The following NRG2 variants were observed in gnomAD, a reference collection of about 807,000 sequenced individuals.
The protein encoded by NRG2 is pro-neuregulin-2, membrane-bound isoform.
Under a neutral mutation model 73.9 loss-of-function variants are expected in NRG2, and 27 were observed. The observed-to-expected ratio is 0.37, with a 90% CI of 0.27 to 0.50. The LOEUF (loss-of-function observed/expected upper bound fraction) is 0.50. NRG2 is among the 20% of genes least tolerant of loss of function. The pLI, the probability that NRG2 is intolerant of heterozygous loss-of-function variation, is 0.96. For synonymous variants in NRG2, 532 were observed against 541.0 expected, an observed-to-expected ratio of 0.98 and a Z score of 0.23; for missense variants, 1,126 against 1,210.1, an observed-to-expected ratio of 0.93 and a Z score of 1.03.
chr5:139,848,523 C>A lies in NRG2; in HGVS notation c.1947G>T (p.Arg649=). 1 of 1,422,600 alleles carries A rather than the reference C, an allele frequency of 7.0e-7. No homozygotes were observed. 88.1% of individuals were successfully genotyped at this position (1,422,600 alleles called of 1,614,324 possible). ...YRLAEQQPLL[R]HPAPPGPGPG... ...GTCCCGGGCCGGGGGGCGCCGGGTG[C>A]CGCAGTAACGGCTGCTGCTCGGCCA... The change falls in exon 10 of 10, where the codon CGG becomes CGT. Residue 649 remains arginine (R), a synonymous_variant. Coordinates refer to ENST00000361474, the MANE Select transcript of NRG2 (RefSeq NM_004883.3).
At chr5:139,855,160 C>T (rs937013372) in intron 6 of NRG2, among the ~76,000 whole-genome samples, 20 of 152,270 alleles carry the variant, frequency 1.3e-4, no homozygotes, top group African/African-American at 4.1e-4. Flanking sequence ...GCTCCCAAGG[C>T]GGGGTCAGGC....
chr5:139,865,478 C>T lies in NRG2; in HGVS notation c.1189+71G>A. ...ACAACCAACACCCCTGGCCCTATGC[C>T]CTACATTGGGGGGACTGCACCCAGA... On this transcript the variant is annotated intron_variant, in intron 5 of 9. Transcript: ENST00000361474. The surrounding 1 kb of genome is among the most constrained non-coding windows in gnomAD (Gnocchi z 5.2). The T allele has an allele frequency of 4.3e-6, 5 of 1,149,720 alleles. No individual in the cohort carries two copies. Among genetic ancestry groups the T allele is most frequent in the Non-Finnish European group, 6.5e-6 (5 of 771,370 alleles). The allele number at this position is 1,149,720 out of a possible 1,614,324, so 71.2% of individuals were successfully genotyped here. A position where few individuals can be genotyped will look rare whatever the true frequency, so the allele number is the denominator to read the frequency against.
chr5:139,875,159 G>A (rs1242352681), intron 3 of NRG2, among the ~76,000 whole-genome samples: 1 of 152,162 alleles, frequency 6.6e-6, no homozygotes, highest in African/African-American at 2.4e-5. Context: ...TTACAGGCAT[G>A]TGCCACCATG....
At chr5:140,011,832 G>T (rs1759390175) in intron 1 of NRG2, among the ~76,000 whole-genome samples, 1 of 152,160 alleles carries the variant, frequency 6.6e-6, no homozygotes, top group Middle Eastern at 3.2e-3. Flanking sequence ...ACTACATTTT[G>T]GGGTAATTTG....
intron 1 of NRG2, among the ~76,000 whole-genome samples, chr5:139,956,201 T>A (rs1754614145): frequency 6.6e-6 from 1 of 152,068 alleles, no homozygotes; most frequent in Non-Finnish European, 1.5e-5. Flanking sequence ...CTTGTAGGAA[T>A]CACTGTCAAC....
Position 139,848,156 on chromosome 5 carries a change from C to A in NRG2, c.2314G>T (p.Gly772Cys). The A allele has an allele frequency of 6.9e-7, 1 of 1,441,426 alleles. No homozygotes were observed. The highest frequency in any genetic ancestry group is 9.1e-7 in the Non-Finnish European group (1 of 1,103,902). The allele number at this position is 1,441,426 out of a possible 1,614,324, so 89.3% of individuals were successfully genotyped here. ...TCGTCGTCCGACGCCGAGGCTGAGC[C>A]GCCGCCCGAGCCGCTGCTCAGCGAC... ...SLSLSSGSGGGSASASDDDAD... is the reference protein window; with the variant it reads ...SLSLSSGSGGCSASASDDDAD... The change falls in exon 10 of 10, where the codon GGC (glycine) becomes TGC (cysteine). Residue 772 changes from glycine (G) to cysteine (C), a missense_variant. This residue lies in a region of NRG2 where 402 missense variants were observed against 357.8 expected (regional missense o/e 1.12). Coordinates refer to ENST00000361474, the MANE Select transcript of NRG2 (RefSeq NM_004883.3).
intron 1 of NRG2, among the ~76,000 whole-genome samples, chr5:139,928,647 G>A (rs1419158957): frequency 6.6e-6 from 1 of 152,144 alleles, no homozygotes; most frequent in Admixed American, 6.5e-5. Context: ...TCTGATGCTG[G>A]TCTTTCCTGA....
At chr5:139,876,123 C>T (rs1433246659) in intron 3 of NRG2, among the ~76,000 whole-genome samples, 2 of 152,092 alleles carry the variant, frequency 1.3e-5, no homozygotes, top group African/African-American at 4.8e-5. Context: ...AGAATCCAAA[C>T]TTATGAGTGG....
chr5:139,910,698 C>T (rs1419698104), intron 1 of NRG2, among the ~76,000 whole-genome samples: 1 of 152,164 alleles, frequency 6.6e-6, no homozygotes, highest in East Asian at 1.9e-4. Flanking sequence ...ACCCTGTCCC[C>T]TTTTCCTTTG....
chr5:139,893,979 C>T (rs1764389521), intron 1 of NRG2, among the ~76,000 whole-genome samples: 1 of 152,184 alleles, frequency 6.6e-6, no homozygotes, highest in South Asian at 2.1e-4. Flanking sequence ...AGGCCATCCC[C>T]AGGAAGCTCC....
In NRG2 at chr5:139,851,896, TC is replaced by T; in HGVS notation, c.1545-66del. 1 of 1,401,434 alleles carries T rather than the reference TC, an allele frequency of 7.1e-7. No homozygotes were observed. Among genetic ancestry groups the T allele is most frequent in the Non-Finnish European group, 1.0e-6 (1 of 1,003,242 alleles). The allele number at this position is 1,401,434 out of a possible 1,614,324, so 86.8% of individuals were successfully genotyped here. The stretch of plus-strand genomic sequence containing the variant: ...GGGCAGGGCGGCCCAGCAGGTGTGG[TC>T]CCATGGACCTCCCTGGCTCTTCTTC... On this transcript the variant is annotated intron_variant, in intron 8 of 9. Coordinates refer to ENST00000361474, the MANE Select transcript of NRG2 (RefSeq NM_004883.3). This position sits in a 1 kb window ranked among gnomAD's most constrained non-coding sequence, Gnocchi z 4.2.
intron 1 of NRG2, among the ~76,000 whole-genome samples, chr5:139,964,357 TACAC>T (rs71574473): frequency 0.015 from 2,182 of 142,760 alleles, 60 homozygotes; most frequent in African/African-American, 0.048. Context: ...GAAATACAGA[TACAC>T]ACACACACAC....
chr5:139,993,253 A>G (rs909722749), intron 1 of NRG2, among the ~76,000 whole-genome samples: 4 of 152,200 alleles, frequency 2.6e-5, no homozygotes, highest in African/African-American at 9.7e-5. Flanking sequence ...GATAAAATCC[A>G]AAATTTTGAC....
chr5:139,916,262 G>A (rs569433538), intron 1 of NRG2, among the ~76,000 whole-genome samples: 2 of 152,212 alleles, frequency 1.3e-5, no homozygotes, highest in East Asian at 1.9e-4. Context: ...TGAGGCAGAC[G>A]GTATATGAAG....
In NRG2 at chr5:140,043,062, T is replaced by C; in HGVS notation, c.8A>G (p.Gln3Arg). 6.5e-7 allele frequency: 1 copy of C among 1,543,132 alleles called. No homozygotes were observed. The highest frequency in any genetic ancestry group is 8.7e-7 in the Non-Finnish European group (1 of 1,151,484). The change falls in exon 1 of 10, where the codon CAG becomes CGG. Residue 3 changes from glutamine (Q) to arginine (R), a missense_variant. Coordinates refer to ENST00000361474, the MANE Select transcript of NRG2 (RefSeq NM_004883.3). The surrounding 1 kb of genome is among the most constrained non-coding windows in gnomAD (Gnocchi z 6.7). MR[Q>R]VCCSALPPPP... ...CGGCGGCAGCGCTGAGCAGCAAACC[T>C]GCCGCATCTGGCCAGGCCATTTGGG...
intron 1 of NRG2, among the ~76,000 whole-genome samples, chr5:139,980,654 G>A (rs904699664): frequency 6.6e-6 from 1 of 152,192 alleles, no homozygotes; most frequent in Non-Finnish European, 1.5e-5. Flanking sequence ...AGCTCTGTGG[G>A]GAAAGGATGG....
At chr5:139,985,283 T>C (rs1757088755) in intron 1 of NRG2, among the ~76,000 whole-genome samples, 1 of 148,852 alleles carries the variant, frequency 6.7e-6, no homozygotes, top group African/African-American at 2.5e-5. Flanking sequence ...GAGGCTGCAG[T>C]GAGCCGAGAC....
At chr5:139,996,198 A>T (rs1303987272) in intron 1 of NRG2, among the ~76,000 whole-genome samples, 1 of 152,246 alleles carries the variant, frequency 6.6e-6, no homozygotes. Flanking sequence ...ACTGTTAACA[A>T]ATATAAATGG....
chr5:140,037,218 G>C (rs1212537529), intron 1 of NRG2, among the ~76,000 whole-genome samples: 1 of 152,176 alleles, frequency 6.6e-6, no homozygotes, highest in Non-Finnish European at 1.5e-5. Flanking sequence ...CTCCCACATG[G>C]ACTCTACTGT....
Sources: allele counts gnomAD v4.1 joint callset (sites outside exome capture counted in the v4.1 genomes callset), GRCh38; gene constraint gnomAD v4.1.1; regional missense constraint gnomAD v4.1.1; non-coding constraint Gnocchi (gnomAD v3.1); transcripts MANE v1.5; gene names NCBI Gene and HGNC (gene_info 2026-07-23, HGNC 2026-07-21).